Variants in PRDM1 observed in about 807,000 individuals in gnomAD.
PRDM1 encodes the protein PR/SET domain 1.
In PRDM1, 13 loss-of-function variants were observed where a neutral mutation model predicts 62.8. That is an observed-to-expected ratio of 0.21 (90% CI 0.13 to 0.33). The LOEUF (loss-of-function observed/expected upper bound fraction) is 0.33. Among genes scored for constraint, PRDM1 ranks in the 10% least tolerant of loss-of-function variants. PRDM1 has a pLI of 1.00. For synonymous variants in PRDM1, 396 were observed against 417.6 expected (o/e 0.95, Z 0.63); for missense variants, 895 against 1,058.8 (o/e 0.85, Z 2.15).
intron 2 of PRDM1, among the ~76,000 whole-genome samples, chr6:106,092,130 G>GA (rs771530930): frequency 0.072 from 4,427 of 61,094 alleles, 233 homozygotes; most frequent in Admixed American, 0.21. Context: ...GAAGGAATTT[G>GA]AAAAAAAAAA....
intron 1 of PRDM1, among the ~76,000 whole-genome samples, chr6:106,056,186 G>T (rs1416235865): frequency 6.6e-6 from 1 of 152,110 alleles, no homozygotes; most frequent in East Asian, 1.9e-4. Context: ...CAGTCTTTGT[G>T]GTATAGCCCA....
chr6:106,009,190 G>T (rs1772516568), intron 1 of PRDM1, among the ~76,000 whole-genome samples: 1 of 152,218 alleles, frequency 6.6e-6, no homozygotes, highest in African/African-American at 2.4e-5. Context: ...GATGTTTGAA[G>T]CAAGGAAATT....
intron 1 of PRDM1, among the ~76,000 whole-genome samples, chr6:106,040,408 T>A (rs1412724494): frequency 6.6e-6 from 1 of 152,228 alleles, no homozygotes; most frequent in Non-Finnish European, 1.5e-5. Flanking sequence ...CACCTCCGTC[T>A]ATCTGCAGGC....
At chr6:106,016,107 T>G (rs1164461421) in intron 1 of PRDM1, among the ~76,000 whole-genome samples, 1 of 152,244 alleles carries the variant, frequency 6.6e-6, no homozygotes, top group African/African-American at 2.4e-5. Flanking sequence ...TCACTTAGCA[T>G]AGCATAATGT....
In PRDM1 at chr6:105,994,958, G is replaced by A. The variant is rs1772329144; in HGVS notation, c.-67+1319G>A. On this transcript the variant is annotated intron_variant, in intron 1 of 6. Transcript: ENST00000652320. The surrounding 1 kb of genome is among the most constrained non-coding windows in gnomAD (Gnocchi z 4.1). ...AGTTTTTTGGCGGAGACAGAGGAAA[G>A]CCTCTGGTCGAGAGGATTAGAGCGC... is the stretch of plus-strand genomic sequence containing the variant. Among the ~76,000 whole-genome samples the A allele has an allele frequency of 6.6e-6, 1 of 152,244 alleles. No individual in the cohort carries two copies. Among genetic ancestry groups the A allele is most frequent in the Non-Finnish European group, 1.5e-5 (1 of 68,044 alleles).
chr6:106,100,487 A>G (rs1175351181), intron 4 of PRDM1: 2 of 152,258 alleles, frequency 1.3e-5, no homozygotes, highest in Admixed American at 1.3e-4. Context: ...ACCCAGGTTT[A>G]CCAGTTATTG....
chr6:106,067,543 A>G (rs1344483741), intron 1 of PRDM1, among the ~76,000 whole-genome samples: 1 of 152,234 alleles, frequency 6.6e-6, no homozygotes, highest in Non-Finnish European at 1.5e-5. Context: ...TAAGACATAA[A>G]AAGGACTGAA....
intron 1 of PRDM1, among the ~76,000 whole-genome samples, chr6:106,019,032 G>A (rs190975514): frequency 1.9e-3 from 290 of 152,072 alleles, no homozygotes; most frequent in African/African-American, 6.7e-3. Flanking sequence ...CACTTAGACC[G>A]AGGCGGGTGG....
rs571774061 is a variant in PRDM1 at position 106,027,185 on chromosome 6, G to C, written c.-67+33546G>C. Among the ~76,000 whole-genome samples the C allele has an allele frequency of 9.5e-4, 144 of 152,326 alleles. 1 individual carries two copies. The highest frequency in any genetic ancestry group is 3.4e-3 in the African/African-American group (140 of 41,570). On this transcript the variant is annotated intron_variant, in intron 1 of 6. Coordinates refer to the PRDM1 transcript ENST00000652320. ...CTACTTTGTTTAAAATTCGGGAAGT[G>C]CCGGGGGAGGGGCAAGACATTAATC...
rs138140580 is a variant in PRDM1 at position 106,073,813 on chromosome 6, A to C, written c.-66-14388A>C. On this transcript the variant is annotated intron_variant, in intron 1 of 6. Transcript: ENST00000651185. Reference sequence around the variant, plus strand: ...CCACATCCTCATCTGCATTCCTTAGAGGCCAGATGTGACTTTGGATTCAGA... The same window carrying C: ...CCACATCCTCATCTGCATTCCTTAGCGGCCAGATGTGACTTTGGATTCAGA... Among the ~76,000 whole-genome samples, 744 of 152,350 alleles carry C rather than the reference A, an allele frequency of 4.9e-3. 4 individuals are homozygous for C. The highest frequency in any genetic ancestry group is 0.041 in the Middle Eastern group (12 of 294).
chr6:106,047,861 C>T (rs543582142), upstream of PRDM1, among the ~76,000 whole-genome samples: 1 of 152,188 alleles, frequency 6.6e-6, no homozygotes, highest in South Asian at 2.1e-4. Flanking sequence ...AGGGGCTGGG[C>T]TGGAAAAGTG....
chr6:106,076,035 T>C (rs111291097), intron 1 of PRDM1, among the ~76,000 whole-genome samples: 8 of 151,894 alleles, frequency 5.3e-5, no homozygotes, highest in African/African-American at 1.7e-4. Context: ...CACTGTAACC[T>C]CCACTTCCCA....
chr6:106,067,720 G>A (rs1366548164), intron 1 of PRDM1, among the ~76,000 whole-genome samples: 1 of 152,178 alleles, frequency 6.6e-6, no homozygotes, highest in East Asian at 1.9e-4. Flanking sequence ...CCGGGGAAAG[G>A]GAGGAATGGG....
At chr6:106,016,633 AT>A (rs1357137714) in intron 1 of PRDM1, among the ~76,000 whole-genome samples, 2 of 140,434 alleles carry the variant, frequency 1.4e-5, no homozygotes, top group Admixed American at 1.5e-4. Context: ...TTATGCACAG[AT>A]TTTTTCTTTT....
chr6:106,060,128 A>G (rs1019812077), intron 1 of PRDM1, among the ~76,000 whole-genome samples: 1 of 152,220 alleles, frequency 6.6e-6, no homozygotes, highest in African/African-American at 2.4e-5. Flanking sequence ...ACAGTTATTT[A>G]AATTCAAATA....
intron 1 of PRDM1, among the ~76,000 whole-genome samples, chr6:106,007,200 G>A (rs370503129): frequency 4.6e-5 from 7 of 152,012 alleles, no homozygotes; most frequent in African/African-American, 1.4e-4. Context: ...GGGAGGCCGA[G>A]GAGGGCGGAT....
intron 1 of PRDM1, among the ~76,000 whole-genome samples, chr6:106,033,141 T>A (rs1772870689): frequency 6.6e-6 from 1 of 152,008 alleles, no homozygotes; most frequent in South Asian, 2.1e-4. Flanking sequence ...AACCTTTTTT[T>A]AAAATCTGTT....
Position 106,105,266 on chromosome 6 carries a change from A to T in PRDM1, c.1106A>T (p.Glu369Val). The T allele has an allele frequency of 6.2e-6, 10 of 1,613,782 alleles. No homozygotes were observed. Among genetic ancestry groups the T allele is most frequent in the Non-Finnish European group, 8.5e-6 (10 of 1,179,958 alleles). The change falls in exon 5 of 7, where the codon GAG (glutamate) becomes GTG (valine). Residue 369 changes from glutamate (E) to valine (V), a missense_variant. Physicochemically the swap from Glu to Val is moderately radical, Grantham distance 121. Around this residue, in one of 4 missense-constraint regions of PRDM1, gnomAD observed 444 missense variants for 422.7 expected, o/e 1.05. Coordinates refer to ENST00000369096, the MANE Select transcript of PRDM1 (RefSeq NM_001198.4). ...TCCCCTGTGGGCCCCGGCTCTCAAG[A>T]GCACCGGGACTCCTACGCTTACTTG... Reference protein sequence around the residue: ...TVSPVGPGSQEHRDSYAYLNA... With the variant: ...TVSPVGPGSQVHRDSYAYLNA...
intron 1 of PRDM1, among the ~76,000 whole-genome samples, chr6:106,059,999 T>C (rs1227824790): frequency 2.0e-5 from 3 of 152,196 alleles, no homozygotes; most frequent in Non-Finnish European, 4.4e-5. Flanking sequence ...GTCCATAAAA[T>C]GTCCAAATAA....
Sources: allele counts gnomAD v4.1 joint callset (sites outside exome capture counted in the v4.1 genomes callset), GRCh38; gene constraint gnomAD v4.1.1; regional missense constraint gnomAD v4.1.1; non-coding constraint Gnocchi (gnomAD v3.1); transcripts MANE v1.5; gene names NCBI Gene and HGNC (gene_info 2026-07-23, HGNC 2026-07-21).